CDH12: variants seen among roughly 807,000 people sequenced by gnomAD.
CDH12 encodes the protein cadherin 12, also known as cadherin-12.
In CDH12, 41 loss-of-function variants were observed where a neutral mutation model predicts 74.1. The observed-to-expected ratio is 0.55, with a 90% confidence interval of 0.43 to 0.72. The LOEUF (loss-of-function observed/expected upper bound fraction) is 0.72, where lower values mean the gene tolerates loss of function less well. Ranked by LOEUF, CDH12 falls within the 30% of genes least tolerant of loss-of-function variation. The probability of loss-of-function intolerance (pLI) is 0.00; values close to 1 mark genes in which losing one functional copy is unlikely to be tolerated. For synonymous variants in CDH12, 399 were observed against 355.0 expected, an observed-to-expected ratio of 1.12 and a Z score of -1.39; for missense variants, 945 against 977.2, an observed-to-expected ratio of 0.97 and a Z score of 0.44.
At chr5:21,942,353 C>T (rs370354703) in intron 6 of CDH12, among the ~76,000 whole-genome samples, 29,465 of 116,236 alleles carry the variant, frequency 0.25, 4,735 homozygotes, top group African/African-American at 0.51. Context: ...TATATACACA[C>T]ACACACACAC....
intron 1 of CDH12, among the ~76,000 whole-genome samples, chr5:22,836,405 A>AT (rs1736830518): frequency 6.7e-6 from 1 of 149,570 alleles, no homozygotes; most frequent in Admixed American, 6.7e-5. Context: ...TTTTTCTTGT[A>AT]TTTTTTGTAG....
chr5:22,826,923 G>A lies in CDH12; in HGVS notation c.-523+26135C>T, dbSNP rs973280112. 7.9e-5 allele frequency among the ~76,000 whole-genome samples: 12 copies of A among 152,328 alleles called. No homozygotes were observed. The East Asian group carries it at 1.5e-3, about 20-fold the overall frequency. On this transcript the variant is annotated intron_variant, in intron 1 of 14. Coordinates refer to ENST00000382254, the MANE Select transcript of CDH12 (RefSeq NM_004061.5). ...AATAGTAAAGAAAATCCCATTTTCT[G>A]AGGAGAAATTCAAGCTGGATGCAGA...
At chr5:22,779,618 G>C (rs948816177) in intron 1 of CDH12, among the ~76,000 whole-genome samples, 1 of 152,162 alleles carries the variant, frequency 6.6e-6, no homozygotes, top group African/African-American at 2.4e-5. Flanking sequence ...CATGGAGGCA[G>C]TTTCCCCATG....
chr5:22,799,764 C>T (rs190272611), intron 1 of CDH12, among the ~76,000 whole-genome samples: 8 of 152,170 alleles, frequency 5.3e-5, no homozygotes, highest in Middle Eastern at 3.4e-3. Context: ...GAAATATACA[C>T]GTATACCTAC....
chr5:22,368,092 G>C (rs1362716007), intron 3 of CDH12, among the ~76,000 whole-genome samples: 1 of 151,846 alleles, frequency 6.6e-6, no homozygotes, highest in African/African-American at 2.4e-5. Flanking sequence ...ATATGTTAAG[G>C]CAAATTGTTT....
chr5:22,027,409 C>A (rs1161625956), intron 5 of CDH12, among the ~76,000 whole-genome samples: 1 of 152,090 alleles, frequency 6.6e-6, no homozygotes, highest in African/African-American at 2.4e-5. Flanking sequence ...CTCCTTGTAC[C>A]TCTGGTAGAA....
intron 2 of CDH12, among the ~76,000 whole-genome samples, chr5:22,431,581 G>A (rs1256743193): frequency 6.6e-6 from 1 of 152,182 alleles, no homozygotes; most frequent in African/African-American, 2.4e-5. Flanking sequence ...ACAACGTCAG[G>A]CAGGTCATTC....
At chr5:22,849,283 TCAAA>T (rs1737444921) in intron 1 of CDH12, among the ~76,000 whole-genome samples, 2 of 152,166 alleles carry the variant, frequency 1.3e-5, no homozygotes, top group South Asian at 4.1e-4. Flanking sequence ...AACTATGGTT[TCAAA>T]CAATTGTCTG....
At chr5:22,671,675 T>C (rs1249403970) in intron 1 of CDH12, among the ~76,000 whole-genome samples, 1 of 152,054 alleles carries the variant, frequency 6.6e-6, no homozygotes, top group Non-Finnish European at 1.5e-5. Context: ...TTGGAAACAG[T>C]GCTTATCATT....
chr5:22,310,094 A>T lies in CDH12; in HGVS notation c.-333+95163T>A, dbSNP rs1043350877. ...CAGCAAGCCACCATGGCACATGTATACTTATGTAGCAAATCTGTATGTTCT... is the reference window on the plus strand; with the variant it reads ...CAGCAAGCCACCATGGCACATGTATTCTTATGTAGCAAATCTGTATGTTCT... On this transcript the variant is annotated intron_variant, in intron 3 of 14. Coordinates refer to ENST00000382254, the MANE Select transcript of CDH12 (RefSeq NM_004061.5). Among the ~76,000 whole-genome samples, 19 of 152,112 alleles carry T rather than the reference A, an allele frequency of 1.2e-4. No individual in the cohort carries two copies. In the South Asian group the frequency reaches 3.9e-3, roughly 32 times the overall value.
intron 4 of CDH12, among the ~76,000 whole-genome samples, chr5:22,151,338 G>A (rs1464370338): frequency 6.6e-6 from 1 of 152,122 alleles, no homozygotes; most frequent in Non-Finnish European, 1.5e-5. Context: ...GTAAGAACGA[G>A]GCATTATGAA....
chr5:22,783,361 C>T (rs1747474666), intron 1 of CDH12, among the ~76,000 whole-genome samples: 1 of 152,072 alleles, frequency 6.6e-6, no homozygotes, highest in Non-Finnish European at 1.5e-5. Context: ...ATGAGTTCAG[C>T]TCAGTTCCCT....
chr5:21,817,455 T>G (rs1323609846), intron 8 of CDH12, among the ~76,000 whole-genome samples: 2 of 151,992 alleles, frequency 1.3e-5, no homozygotes, highest in Non-Finnish European at 2.9e-5. Context: ...GGTGGGACTA[T>G]TCATGAAATT....
chr5:22,403,840 G>T (rs1389940431), intron 3 of CDH12, among the ~76,000 whole-genome samples: 1 of 151,890 alleles, frequency 6.6e-6, no homozygotes, highest in Non-Finnish European at 1.5e-5. Flanking sequence ...AAGCACTAGA[G>T]GATTACACTA....
chr5:22,612,577 T>C (rs1737463653), intron 1 of CDH12, among the ~76,000 whole-genome samples: 1 of 152,218 alleles, frequency 6.6e-6, no homozygotes, highest in African/African-American at 2.4e-5. Context: ...TAGATGCAGA[T>C]ATAAATATGA....
chr5:22,166,822 C>T (rs1378080863), intron 4 of CDH12, among the ~76,000 whole-genome samples: 3 of 151,816 alleles, frequency 2.0e-5, no homozygotes, highest in Non-Finnish European at 4.4e-5. Flanking sequence ...TAGAAATGAT[C>T]ACTCCCTAGC....
chr5:22,539,783 C>T (rs988984552), intron 1 of CDH12, among the ~76,000 whole-genome samples: 3 of 152,306 alleles, frequency 2.0e-5, no homozygotes, highest in Admixed American at 1.3e-4. Context: ...GCCCTGCTTT[C>T]CACAGCTTGA....
intron 4 of CDH12, among the ~76,000 whole-genome samples, chr5:22,086,550 AT>A (rs1404480757): frequency 6.6e-6 from 1 of 151,436 alleles, no homozygotes; most frequent in Non-Finnish European, 1.5e-5. Flanking sequence ...TGTTTTTTGC[AT>A]TTTTAGTATC....
chr5:22,842,279 G>T (rs1737112402), intron 1 of CDH12, among the ~76,000 whole-genome samples: 1 of 152,038 alleles, frequency 6.6e-6, no homozygotes, highest in Non-Finnish European at 1.5e-5. Flanking sequence ...AATGGAAGAT[G>T]GCTAAAATTA....
Sources: gnomAD v4.1 joint callset for allele counts (sites outside exome capture counted in the v4.1 genomes callset) on GRCh38, gnomAD v4.1.1 for gene constraint, MANE v1.5 for transcripts, NCBI Gene and HGNC (gene_info 2026-07-23, HGNC 2026-07-21) for gene names.